Variants in COL22A1 observed in about 807,000 individuals in gnomAD.
COL22A1 encodes the protein collagen type XXII alpha 1 chain.
COL22A1 carries 221 observed loss-of-function variants against 248.9 expected under a neutral mutation model. The observed-to-expected ratio is 0.89, with a 90% confidence interval of 0.80 to 0.99. COL22A1 has a LOEUF of 0.99. COL22A1 is among the 50% of genes least tolerant of loss of function. The pLI is 0.00. For missense variants in COL22A1, 2,240 were observed against 2,179.0 expected (o/e 1.03, Z -0.56); for synonymous variants, 891 against 793.4 (o/e 1.12, Z -2.07).
chr8:138,829,200 A>C (rs1437634631), intron 5 of COL22A1, among the ~76,000 whole-genome samples: 1 of 152,188 alleles, frequency 6.6e-6, no homozygotes, highest in Non-Finnish European at 1.5e-5. Context: ...ACCCAGGATC[A>C]CATCCAGGTA....
chr8:138,602,129 A>T lies in COL22A1; in HGVS notation c.4171T>A (p.Phe1391Ile). The change falls in exon 60 of 65, where the codon TTC becomes ATC. Residue 1391 changes from phenylalanine (F) to isoleucine (I), a missense_variant. Transcript: ENST00000303045. ...GVPGKPGEPGFKGERGDPGIK... is the reference protein window; with the variant it reads ...GVPGKPGEPGIKGERGDPGIK... ...TCTCCACTCACCCTTTCTCCTTTGA[A>T]TCCAGGCTCTCCAGGCTTCCCAGGG... The T allele has an allele frequency of 6.2e-7, 1 of 1,614,094 alleles. No individual in the cohort carries two copies. The highest frequency in any genetic ancestry group is 8.5e-7 in the Non-Finnish European group (1 of 1,180,014).
At chr8:138,802,316 C>T (rs1161805458) in intron 11 of COL22A1, among the ~76,000 whole-genome samples, 3 of 151,962 alleles carry the variant, frequency 2.0e-5, no homozygotes, top group Non-Finnish European at 2.9e-5. Flanking sequence ...ACAATTCATG[C>T]TAGGCCAGGT....
intron 1 of COL22A1, among the ~76,000 whole-genome samples, chr8:138,904,993 TC>T (rs1159828178): frequency 6.6e-6 from 1 of 152,178 alleles, no homozygotes; most frequent in African/African-American, 2.4e-5. Flanking sequence ...CTCGGTTGCC[TC>T]ATCTGTAAAA....
In COL22A1 at chr8:138,696,937, T is replaced by G. The variant is rs1827554314; in HGVS notation, c.2593-2058A>C. 5.3e-5 allele frequency among the ~76,000 whole-genome samples: 8 copies of G among 152,162 alleles called. 1 individual carries two copies. Among genetic ancestry groups the G allele is most frequent in the Admixed American group, 5.2e-4 (8 of 15,272 alleles). On this transcript the variant is annotated intron_variant, in intron 32 of 64. Coordinates refer to ENST00000303045, the MANE Select transcript of COL22A1 (RefSeq NM_152888.3). ...AGTCTTTTTCTGGTCCTCCAGTCAT[T>G]GGCAACACAATTCATAAAGACAAAA... is the stretch of plus-strand genomic sequence containing the variant.
At position 138,760,436 on chromosome 8, in the gene COL22A1, T is replaced by C; in HGVS notation, c.1858-149A>G. The C allele has an allele frequency of 6.3e-6, 4 of 631,324 alleles. No homozygotes were observed. The South Asian group carries it at 9.7e-5, about 15-fold the overall frequency. The allele number at this position is 631,324 out of a possible 1,614,324, so 39.1% of individuals were successfully genotyped here. On this transcript the variant is annotated intron_variant, in intron 17 of 64. Transcript: ENST00000303045. ...TCCCTTTAGACCTGACTTTCTGGAC[T>C]GTGCTTATTGCTAGAAAGTTCTTCC...
At chr8:138,788,174 C>T (rs558874233) in intron 12 of COL22A1, among the ~76,000 whole-genome samples, 7 of 152,204 alleles carry the variant, frequency 4.6e-5, no homozygotes, top group African/African-American at 1.2e-4. Context: ...CTTCTCAGGC[C>T]CCACCCCAGA....
intron 22 of COL22A1, among the ~76,000 whole-genome samples, chr8:138,741,696 A>G (rs1031774082): frequency 6.6e-6 from 1 of 152,240 alleles, no homozygotes; most frequent in African/African-American, 2.4e-5. Flanking sequence ...TGGGTGATAG[A>G]CTGTGTGTCA....
intron 3 of COL22A1, among the ~76,000 whole-genome samples, chr8:138,874,417 C>A (rs1823558673): frequency 6.6e-6 from 1 of 152,162 alleles, no homozygotes; most frequent in South Asian, 2.1e-4. Flanking sequence ...CTTGAGGGAG[C>A]TGGGCTGGGA....
chr8:138,893,534 C>T (rs568456914), intron 1 of COL22A1, among the ~76,000 whole-genome samples: 13 of 152,296 alleles, frequency 8.5e-5, no homozygotes, highest in Admixed American at 3.3e-4. Flanking sequence ...GTTTCCTCAA[C>T]TATAAAATGG....
At chr8:138,828,213 G>A (rs963487933) in intron 5 of COL22A1, 18 of 152,014 alleles carry the variant, frequency 1.2e-4, no homozygotes, top group Non-Finnish European at 8.8e-5. Flanking sequence ...CCTCTCTTTC[G>A]CCAGTGCTAG....
chr8:138,877,393 G>C (rs890822615), intron 3 of COL22A1, among the ~76,000 whole-genome samples: 4 of 152,234 alleles, frequency 2.6e-5, no homozygotes, highest in Non-Finnish European at 4.4e-5. Flanking sequence ...GCAGTAAGTA[G>C]AGGATGTTCC....
chr8:138,844,425 C>T (rs1268059423), intron 3 of COL22A1, among the ~76,000 whole-genome samples: 2 of 152,244 alleles, frequency 1.3e-5, no homozygotes, highest in Non-Finnish European at 2.9e-5. Context: ...GAGGAATTCA[C>T]AGCCTTGTCC....
chr8:138,626,271 A>G (rs373743383), intron 50 of COL22A1, 28 bp from the exon 51 acceptor site: 12 of 1,584,198 alleles, frequency 7.6e-6, no homozygotes, highest in Non-Finnish European at 9.5e-6. Context: ...TAAAAACACC[A>G]TGAAACCTCT....
intron 3 of COL22A1, among the ~76,000 whole-genome samples, chr8:138,854,458 C>T (rs549567850): frequency 1.3e-5 from 2 of 152,262 alleles, no homozygotes; most frequent in Admixed American, 6.5e-5. Context: ...GGGTGAGTGA[C>T]CTGCTCCTGG....
chr8:138,615,273 A>G (rs752310315), intron 55 of COL22A1, among the ~76,000 whole-genome samples: 1 of 152,182 alleles, frequency 6.6e-6, no homozygotes, highest in Non-Finnish European at 1.5e-5. Context: ...GCTCACGCCT[A>G]TAGTCCTAAC....
At chr8:138,697,469 G>A (rs912293908) in intron 32 of COL22A1, among the ~76,000 whole-genome samples, 1 of 152,118 alleles carries the variant, frequency 6.6e-6, no homozygotes, top group Non-Finnish European at 1.5e-5. Flanking sequence ...CAAGCTGCCT[G>A]TCCCTCCTTC....
Position 138,883,911 on chromosome 8 carries a change from C to T in COL22A1, c.-72-667G>A, listed in dbSNP as rs1344596298. ...TACACCACCTAAAATCGTTCAGTGT[C>T]ACCGTCCTCATCTGAATATGGCATG... On this transcript the variant is annotated intron_variant, in intron 1 of 64. Transcript: ENST00000303045. Among the ~76,000 whole-genome samples the T allele has an allele frequency of 2.6e-5, 4 of 152,136 alleles. No homozygotes were observed. In the East Asian group the frequency reaches 7.7e-4, roughly 29 times the overall value.
In COL22A1 at chr8:138,878,114, C is replaced by T; in HGVS notation, c.294G>A (p.Gln98=). ...TAFELGLFGS[Q]EEVKAAARRL... Reference sequence around the variant, plus strand: ...GCCGGGCAGCCGCCTTGACCTCCTCCTGCGAGCCAAAGAGTCCCAACTCGA... The same window carrying T: ...GCCGGGCAGCCGCCTTGACCTCCTCTTGCGAGCCAAAGAGTCCCAACTCGA... The change falls in exon 3 of 65, where the codon CAG becomes CAA. Residue 98 remains glutamine (Q), a synonymous_variant. Coordinates refer to ENST00000303045, the MANE Select transcript of COL22A1 (RefSeq NM_152888.3). 6.2e-7 allele frequency: 1 copy of T among 1,604,228 alleles called. No individual in the cohort carries two copies. The highest frequency in any genetic ancestry group is 1.1e-5 in the South Asian group (1 of 88,934).
rs571496800 is a variant in COL22A1, at chr8:138,861,520, C to T, written c.658+16230G>A. ...ACATCCTGCAGGACTCAACGCGCAG[C>T]GCCGCCTTCTGGGGCAGCTGCTGCC... On this transcript the variant is annotated intron_variant, in intron 3 of 64. Transcript: ENST00000303045. Among the ~76,000 whole-genome samples, 5 of 152,342 alleles carry T rather than the reference C, an allele frequency of 3.3e-5. No homozygotes were observed. In the South Asian group the frequency reaches 6.2e-4, roughly 19 times the overall value.
Sources: allele counts gnomAD v4.1 joint callset (sites outside exome capture counted in the v4.1 genomes callset), GRCh38; gene constraint gnomAD v4.1.1; transcripts MANE v1.5; gene names NCBI Gene and HGNC (gene_info 2026-07-23, HGNC 2026-07-21).